ANKRD13C: variants seen among roughly 807,000 people sequenced by gnomAD.
The protein encoded by ANKRD13C is ankyrin repeat domain 13C.
In ANKRD13C, 16 loss-of-function variants were observed where a neutral mutation model predicts 65.5. The observed-to-expected ratio is 0.24, with a 90% CI of 0.17 to 0.37. The LOEUF (loss-of-function observed/expected upper bound fraction) is 0.37, where lower values mean the gene tolerates loss of function less well. Ranked by LOEUF, ANKRD13C falls within the 10% of genes least tolerant of loss-of-function variation. The pLI, the probability that ANKRD13C is intolerant of heterozygous loss-of-function variation, is 1.00. For missense variants in ANKRD13C, 503 were observed against 655.9 expected (o/e 0.77, Z 2.55); for synonymous variants, 235 against 238.7 (o/e 0.98, Z 0.14).
chr1:70,326,925 A>G (rs1015588045), intron 2 of ANKRD13C, among the ~76,000 whole-genome samples: 3 of 151,900 alleles, frequency 2.0e-5, no homozygotes, highest in African/African-American at 7.2e-5. Context: ...AGGGTGGGCA[A>G]TAAGTTCTTA....
chr1:70,283,544 C>T (rs1033914357), intron 9 of ANKRD13C, among the ~76,000 whole-genome samples: 2 of 151,956 alleles, frequency 1.3e-5, no homozygotes, highest in Non-Finnish European at 2.9e-5. Flanking sequence ...ATGCCGGGTG[C>T]GGTGGCTCAC....
chr1:70,323,389 A>T (rs1272511199), intron 3 of ANKRD13C, among the ~76,000 whole-genome samples: 1 of 152,118 alleles, frequency 6.6e-6, no homozygotes, highest in African/African-American at 2.4e-5. Flanking sequence ...TCATGCCTGT[A>T]ATCCTAGCAC....
At chr1:70,307,677 G>T (rs1051956234) in intron 5 of ANKRD13C, among the ~76,000 whole-genome samples, 1 of 152,050 alleles carries the variant, frequency 6.6e-6, no homozygotes, top group Non-Finnish European at 1.5e-5. Flanking sequence ...AGCTGGGCAC[G>T]GTTTGGCTAT....
intron 9 of ANKRD13C, among the ~76,000 whole-genome samples, chr1:70,288,529 T>C (rs1461015448): frequency 6.6e-6 from 1 of 152,218 alleles, no homozygotes; most frequent in African/African-American, 2.4e-5. Context: ...TGTGGTACAC[T>C]AATACCATGA....
intron 1 of ANKRD13C, among the ~76,000 whole-genome samples, chr1:70,347,047 G>T (rs1258875174): frequency 7.2e-6 from 1 of 138,518 alleles, no homozygotes; most frequent in African/African-American, 2.7e-5. Flanking sequence ...AGCCGAGATC[G>T]CGCCACTGCA....
chr1:70,354,318 C>G lies in ANKRD13C; in HGVS notation c.91G>C (p.Ala31Pro). ...GTAAAGGTACCGCCGAGGGCAGCCG[C>G]CGCTTCCTCATCCCCGGGCTCCAGC... The part of the protein sequence containing the change: ...DLLEPGDEEA[A>P]AALGGTFTRS... The change falls in exon 1 of 13, where the codon GCG becomes CCG. Residue 31 changes from alanine (A) to proline (P), a missense_variant. This residue lies in a region of ANKRD13C where 203 missense variants were observed against 177.6 expected (regional missense o/e 1.14). Coordinates refer to ENST00000370944, the MANE Select transcript of ANKRD13C (RefSeq NM_030816.5). 1 of 1,614,160 alleles carries G rather than the reference C, an allele frequency of 6.2e-7. No homozygotes were observed.
At chr1:70,353,360 C>CA (rs1682834500) in intron 1 of ANKRD13C, among the ~76,000 whole-genome samples, 1 of 152,064 alleles carries the variant, frequency 6.6e-6, no homozygotes, top group Admixed American at 6.6e-5. Flanking sequence ...TTAAAACAAG[C>CA]AAAAAATCAA....
intron 1 of ANKRD13C, among the ~76,000 whole-genome samples, chr1:70,337,212 G>A (rs1682081264): frequency 6.6e-6 from 1 of 151,840 alleles, no homozygotes; most frequent in South Asian, 2.1e-4. Flanking sequence ...AATGGAATGG[G>A]AATTGTTGGC....
At chr1:70,335,643 G>T (rs115006954) in intron 2 of ANKRD13C, among the ~76,000 whole-genome samples, 5,315 of 150,128 alleles carry the variant, frequency 0.035, 162 homozygotes, top group Admixed American at 0.096. Flanking sequence ...TAATAAACAA[G>T]TATTAAGTTT....
At chr1:70,340,562 C>G (rs549415522) in intron 1 of ANKRD13C, among the ~76,000 whole-genome samples, 2 of 151,966 alleles carry the variant, frequency 1.3e-5, no homozygotes, top group African/African-American at 4.8e-5. Flanking sequence ...TGGTGTTGTT[C>G]GTATTTTTTA....
chr1:70,287,035 T>C (rs934090959), intron 9 of ANKRD13C, among the ~76,000 whole-genome samples: 4 of 151,510 alleles, frequency 2.6e-5, no homozygotes, highest in South Asian at 2.1e-4. Context: ...TATATAAACA[T>C]AGAAATATAA....
chr1:70,271,668 G>A lies in ANKRD13C; in HGVS notation c.1395-712C>T, dbSNP rs938904469. On this transcript the variant is annotated intron_variant, in intron 11 of 12. Coordinates refer to ENST00000370944, the MANE Select transcript of ANKRD13C (RefSeq NM_030816.5). ...GGCTGATTTTATCCCTTTTCTGCCCGGATGCCTTTGGATTTATCAACAACT... is the reference window on the plus strand; with the variant it reads ...GGCTGATTTTATCCCTTTTCTGCCCAGATGCCTTTGGATTTATCAACAACT... 9.9e-5 allele frequency among the ~76,000 whole-genome samples: 15 copies of A among 152,162 alleles called. No individual in the cohort carries two copies. The South Asian group carries it at 1.2e-3, about 13-fold the overall frequency.
chr1:70,333,503 C>A (rs562962027), intron 2 of ANKRD13C, among the ~76,000 whole-genome samples: 2 of 152,292 alleles, frequency 1.3e-5, no homozygotes, highest in South Asian at 4.1e-4. Flanking sequence ...CCAAGTCAGT[C>A]TAGCTAAAGC....
chr1:70,317,713 T>A (rs1010692657), intron 3 of ANKRD13C, among the ~76,000 whole-genome samples: 2 of 152,182 alleles, frequency 1.3e-5, no homozygotes, highest in Non-Finnish European at 2.9e-5. Context: ...TCAAATGTAG[T>A]ACAATTCTTT....
intron 7 of ANKRD13C, among the ~76,000 whole-genome samples, chr1:70,297,268 T>A (rs1334109846): frequency 1.3e-5 from 2 of 148,534 alleles, no homozygotes; most frequent in Admixed American, 1.4e-4. Flanking sequence ...AACTTTAACC[T>A]ACATAGAGTC....
chr1:70,315,654 T>C (rs1681041939), intron 3 of ANKRD13C, 88 bp from the exon 4 acceptor site: 2 of 980,988 alleles, frequency 2.0e-6, no homozygotes, highest in South Asian at 1.6e-5. Flanking sequence ...AGATAGATAA[T>C]ACATGTACAC....
At chr1:70,267,705 T>A (rs1205284369) in intron 12 of ANKRD13C, among the ~76,000 whole-genome samples, 1 of 152,234 alleles carries the variant, frequency 6.6e-6, no homozygotes, top group Non-Finnish European at 1.5e-5. Flanking sequence ...TTCTTTTTCT[T>A]GCCATCCTTA....
intron 9 of ANKRD13C, 64 bp from the exon 10 acceptor site, chr1:70,276,908 A>G (rs974800159): frequency 1.9e-5 from 24 of 1,278,296 alleles, no homozygotes; most frequent in Non-Finnish European, 2.2e-5. Context: ...TTTTTTAAAT[A>G]TAAGATTAAA....
At chr1:70,301,161 GAATA>G (rs1271258971) in intron 6 of ANKRD13C, among the ~76,000 whole-genome samples, 10 of 149,190 alleles carry the variant, frequency 6.7e-5, no homozygotes, top group African/African-American at 2.0e-4. Flanking sequence ...TATATTTTCT[GAATA>G]TATATACACA....
Sources: gnomAD v4.1 joint callset for allele counts (sites outside exome capture counted in the v4.1 genomes callset) on GRCh38, gnomAD v4.1.1 for gene constraint, gnomAD v4.1.1 regional missense constraint, MANE v1.5 for transcripts, NCBI Gene and HGNC (gene_info 2026-07-23, HGNC 2026-07-21) for gene names.